Variants in ASIC1 observed in about 807,000 individuals in gnomAD.
ASIC1 encodes acid-sensing ion channel 1.
A neutral mutation model predicts 63.4 loss-of-function variants in ASIC1; 21 were observed. That is an observed-to-expected ratio of 0.33 (90% CI 0.23 to 0.48). ASIC1 has a LOEUF of 0.48. Among genes scored for constraint, ASIC1 ranks in the 20% least tolerant of loss-of-function variants. The pLI, the probability that ASIC1 is intolerant of heterozygous loss-of-function variation, is 0.99. For missense variants in ASIC1, 478 were observed against 695.5 expected, an observed-to-expected ratio of 0.69 and a Z score of 3.52; for synonymous variants, 258 against 278.2, an observed-to-expected ratio of 0.93 and a Z score of 0.72.
intron 3 of ASIC1, among the ~76,000 whole-genome samples, chr12:50,070,256 C>T (rs977243168): frequency 5.9e-5 from 9 of 152,004 alleles, no homozygotes; most frequent in Non-Finnish European, 1.3e-4. Flanking sequence ...CCTCATCCCC[C>T]AATTACTTGA....
At chr12:50,067,556 G>A (rs982801909) in intron 3 of ASIC1, among the ~76,000 whole-genome samples, 3 of 151,910 alleles carry the variant, frequency 2.0e-5, no homozygotes, top group African/African-American at 4.8e-5. Flanking sequence ...TTACAGATGC[G>A]TGCCACCATG....
Position 50,078,755 on chromosome 12 carries a change from G to T in ASIC1, c.995-169G>T. The T allele has an allele frequency of 7.6e-7, 1 of 1,317,698 alleles. No homozygotes were observed. The highest frequency in any genetic ancestry group is 1.5e-5 in the African/African-American group (1 of 68,738). 81.6% of individuals were successfully genotyped at this position (1,317,698 alleles called of 1,614,324 possible). The stretch of plus-strand genomic sequence containing the variant: ...TGCACCCCCAGGGATGGGTGGGAAG[G>T]GTCTAGAAGGTATGGACCTGGAGTG... On this transcript the variant is annotated intron_variant, in intron 6 of 11. Transcript: ENST00000447966. This position sits in a 1 kb window ranked among gnomAD's most constrained non-coding sequence, Gnocchi z 6.0.
At chr12:50,077,900 C>T (rs1029437127) in intron 4 of ASIC1, 100 bp from the exon 5 acceptor site, 8 of 1,510,776 alleles carry the variant, frequency 5.3e-6, no homozygotes, top group African/African-American at 2.8e-5. Flanking sequence ...AGCCCCAGTG[C>T]ACCCTATGCT....
rs1184780804 is a variant in ASIC1 at position 50,080,054 on chromosome 12, G to C, written c.1204G>C (p.Gly402Arg). The stretch of plus-strand genomic sequence containing the variant: ...GTTCAACAAATCTGAGCAATACATA[G>C]GGTAAGGGCTCTGGCTGGGTAGAGC... The part of the protein sequence containing the change: ...KKFNKSEQYI[G>R]ENILVLDIFF... Residue 402 changes from glycine (G) to arginine (R), a missense_variant and splice_region_variant, in exon 8 of 12, where the codon GGG becomes CGG. Transcript: ENST00000447966. 1.9e-6 allele frequency: 3 copies of C among 1,609,154 alleles called. No individual in the cohort carries two copies. Among genetic ancestry groups the C allele is most frequent in the East Asian group, 4.5e-5 (2 of 44,862 alleles).
intron 4 of ASIC1, among the ~76,000 whole-genome samples, 194 bp from the exon 5 acceptor site, chr12:50,077,806 A>G (rs1249302104): frequency 6.6e-6 from 1 of 152,122 alleles, no homozygotes; most frequent in East Asian, 1.9e-4. Context: ...TGTAGGATAC[A>G]GGGGTCATCG....
chr12:50,073,900 C>T (rs1350785363), intron 3 of ASIC1: 1 of 1,534,666 alleles, frequency 6.5e-7, no homozygotes, highest in Non-Finnish European at 8.7e-7. Flanking sequence ...CTTCCTGTGC[C>T]AGGTAGGGGA....
intron 3 of ASIC1, among the ~76,000 whole-genome samples, chr12:50,061,125 C>G (rs117644523): frequency 6.6e-6 from 1 of 152,112 alleles, no homozygotes; most frequent in East Asian, 1.9e-4. Flanking sequence ...TTTCCAGGAC[C>G]CTTTGCTCTC....
chr12:50,066,008 T>G (rs886684498), intron 3 of ASIC1, among the ~76,000 whole-genome samples: 1 of 152,148 alleles, frequency 6.6e-6, no homozygotes, highest in Non-Finnish European at 1.5e-5. Context: ...GGAGTGTGAA[T>G]GTAGAGTGTG....
intron 3 of ASIC1, among the ~76,000 whole-genome samples, chr12:50,062,819 A>G (rs543575102): frequency 3.4e-4 from 52 of 152,336 alleles, no homozygotes; most frequent in African/African-American, 1.2e-3. Context: ...TCCTGGATCT[A>G]GCTCAACCCC....
Position 50,078,268 on chromosome 12 carries a change from G to A in ASIC1, c.837+141G>A, listed in dbSNP as rs1029363062. ...TAGTCAGAAGCATGAGTGATCGAAT[G>A]AACAAGAATGCTCTGTAAACTCTGA... On this transcript the variant is annotated intron_variant, in intron 5 of 11. Transcript: ENST00000447966. This position sits in a 1 kb window ranked among gnomAD's most constrained non-coding sequence, Gnocchi z 6.0. 35 of 1,506,232 alleles carry A rather than the reference G, an allele frequency of 2.3e-5. No homozygotes were observed. The highest frequency in any genetic ancestry group is 3.0e-5 in the Non-Finnish European group (33 of 1,117,888). The allele number at this position is 1,506,232 out of a possible 1,614,324, so 93.3% of individuals were successfully genotyped here.
At chr12:50,080,402 C>T (rs1240045125) in intron 8 of ASIC1, 96 bp from the exon 9 acceptor site, 1 of 1,173,256 alleles carries the variant, frequency 8.5e-7, no homozygotes, top group Admixed American at 2.1e-5. Context: ...GATATGGAAA[C>T]TGAGATTCAG....
chr12:50,078,261 A>G lies in ASIC1; in HGVS notation c.837+134A>G. The G allele has an allele frequency of 6.6e-7, 1 of 1,509,670 alleles. No homozygotes were observed. Among genetic ancestry groups the G allele is most frequent in the Admixed American group, 2.0e-5 (1 of 49,540 alleles). The allele number at this position is 1,509,670 out of a possible 1,614,324, so 93.5% of individuals were successfully genotyped here. Reference sequence around the variant, plus strand: ...ATCTGGCTAGTCAGAAGCATGAGTGATCGAATGAACAAGAATGCTCTGTAA... The same window carrying G: ...ATCTGGCTAGTCAGAAGCATGAGTGGTCGAATGAACAAGAATGCTCTGTAA... On this transcript the variant is annotated intron_variant, in intron 5 of 11. Transcript: ENST00000447966. This position sits in a 1 kb window ranked among gnomAD's most constrained non-coding sequence, Gnocchi z 6.0.
In ASIC1 at chr12:50,074,845, C is replaced by A. The variant is rs1950637512; in HGVS notation, c.559-2368C>A. Among the ~76,000 whole-genome samples, 1 of 150,356 alleles carries A rather than the reference C, an allele frequency of 6.7e-6. No homozygotes were observed. The highest frequency in any genetic ancestry group is 6.6e-5 in the Admixed American group (1 of 15,064). On this transcript the variant is annotated intron_variant, in intron 3 of 11. Coordinates refer to ENST00000447966, the MANE Select transcript of ASIC1 (RefSeq NM_001095.4). The surrounding 1 kb of genome is among the most constrained non-coding windows in gnomAD (Gnocchi z 4.2). ...CTTCCTGTGCCCTCCTATGGACGCC[C>A]CACCCCCACCAGCTCTGTGTGTGTG...
At chr12:50,063,088 C>T (rs1472306696) in intron 3 of ASIC1, among the ~76,000 whole-genome samples, 1 of 152,234 alleles carries the variant, frequency 6.6e-6, no homozygotes, top group Non-Finnish European at 1.5e-5. Flanking sequence ...TCCCGGCCAC[C>T]TCCTTTTCTT....
intron 3 of ASIC1, among the ~76,000 whole-genome samples, chr12:50,064,430 T>G (rs1305732464): frequency 6.6e-6 from 1 of 152,050 alleles, no homozygotes; most frequent in Non-Finnish European, 1.5e-5. Flanking sequence ...TCTCACCTCT[T>G]CCCCTTCTCC....
chr12:50,074,276 C>A lies in ASIC1; in HGVS notation c.559-2937C>A. The A allele has an allele frequency of 6.9e-7, 1 of 1,445,596 alleles. No homozygotes were observed. The highest frequency in any genetic ancestry group is 1.4e-5 in the South Asian group (1 of 70,152). The allele number at this position is 1,445,596 out of a possible 1,614,324, so 89.5% of individuals were successfully genotyped here. On this transcript the variant is annotated intron_variant, in intron 3 of 11. Transcript: ENST00000447966. The surrounding 1 kb of genome is among the most constrained non-coding windows in gnomAD (Gnocchi z 4.2). ...GGAGCCCCATGCCTGCCACAGTACC[C>A]CAAGAGTGTCTGCCATGGCTGTCCC...
chr12:50,058,945 T>C lies in ASIC1; in HGVS notation c.179T>C (p.Val60Ala), dbSNP rs371738294. 2 of 1,614,016 alleles carry C rather than the reference T, an allele frequency of 1.2e-6. No individual in the cohort carries two copies. Among genetic ancestry groups the C allele is most frequent in the Non-Finnish European group, 1.7e-6 (2 of 1,179,986 alleles). ...GGCTCCCTGGCTGTGCTGCTGTGTG[T>C]GTGCACGGAGCGTGTGCAGTACTAC... ...FLGSLAVLLC[V>A]CTERVQYYFH... Residue 60 changes from valine to alanine, a missense_variant, in exon 2 of 12, where the codon GTG (valine) becomes GCG (alanine). Val to Ala is a moderately conservative substitution (Grantham distance 64). Transcript: ENST00000447966.
intron 3 of ASIC1, among the ~76,000 whole-genome samples, chr12:50,075,195 C>T (rs1950642536): frequency 6.6e-6 from 1 of 152,134 alleles, no homozygotes. Flanking sequence ...CCCTCCCTAG[C>T]GTAGGGGCAG....
intron 3 of ASIC1, among the ~76,000 whole-genome samples, chr12:50,070,345 C>T (rs975391691): frequency 4.0e-5 from 6 of 151,812 alleles, no homozygotes; most frequent in Admixed American, 1.3e-4. Flanking sequence ...GGAGAGAGGA[C>T]ATGCAGTTGG....
Sources: allele counts gnomAD v4.1 joint callset (sites outside exome capture counted in the v4.1 genomes callset), GRCh38; gene constraint gnomAD v4.1.1; non-coding constraint Gnocchi (gnomAD v3.1); transcripts MANE v1.5; gene names NCBI Gene and HGNC (gene_info 2026-07-23, HGNC 2026-07-21).